CNTN1: variants seen among roughly 807,000 people sequenced by gnomAD.
CNTN1 encodes contactin-1.
CNTN1 carries 38 observed loss-of-function variants against 126.4 expected under a neutral mutation model. That is an observed-to-expected ratio of 0.30 (90% CI 0.23 to 0.39). The LOEUF (loss-of-function observed/expected upper bound fraction) is 0.39, where lower values mean the gene tolerates loss of function less well. Among genes scored for constraint, CNTN1 ranks in the 10% least tolerant of loss-of-function variants. The pLI, the probability that CNTN1 is intolerant of heterozygous loss-of-function variation, is 1.00. For synonymous variants in CNTN1, 413 were observed against 422.6 expected (o/e 0.98, Z 0.28); for missense variants, 1,009 against 1,248.4 (o/e 0.81, Z 2.89).
intron 1 of CNTN1, among the ~76,000 whole-genome samples, chr12:40,695,431 T>C (rs1437861450): frequency 2.0e-5 from 3 of 152,222 alleles, no homozygotes; most frequent in Non-Finnish European, 4.4e-5. Context: ...TATTCTCTTG[T>C]ATCTTGTGTC....
rs78864164 is a variant in CNTN1 at position 41,022,670 on chromosome 12, T to A, written c.2523+2230T>A. On this transcript the variant is annotated intron_variant, in intron 20 of 23. Transcript: ENST00000551295. ...AGACTGATAACACGTCTTGAGTTCT[T>A]ATTGTGCTAAACACTTAACTAAGCT... 7.1e-3 allele frequency among the ~76,000 whole-genome samples: 1,078 copies of A among 152,298 alleles called. 7 individuals carry two copies. The highest frequency in any genetic ancestry group is 0.037 in the Middle Eastern group (11 of 294).
chr12:40,799,992 CAATT>C (rs1363962994), intron 1 of CNTN1, among the ~76,000 whole-genome samples: 1 of 151,970 alleles, frequency 6.6e-6, no homozygotes, highest in Non-Finnish European at 1.5e-5. Flanking sequence ...ATGCTTTTAA[CAATT>C]AAATATACTC....
At chr12:40,922,015 CAA>C (rs35205079) in intron 4 of CNTN1, among the ~76,000 whole-genome samples, 1 of 151,670 alleles carries the variant, frequency 6.6e-6, no homozygotes, top group Non-Finnish European at 1.5e-5. Flanking sequence ...AGATACCTCA[CAA>C]AAAAAAGACA....
chr12:40,703,395 A>G (rs1047289738), intron 1 of CNTN1, among the ~76,000 whole-genome samples: 1 of 152,204 alleles, frequency 6.6e-6, no homozygotes, highest in African/African-American at 2.4e-5. Context: ...CGTTATTTTT[A>G]GTATTACAGC....
Position 40,918,762 on chromosome 12 carries a change from C to A in CNTN1, c.218C>A (p.Pro73Gln). The A allele has an allele frequency of 6.2e-7, 1 of 1,613,398 alleles. No individual in the cohort carries two copies. ...LNCRARASPF[P>Q]VYKWRMNNGD... ...TGTAGGGCACGAGCCAGCCCTTTCC[C>A]GGTTTACAAGTAATGTACCTCGCTT... Residue 73 changes from proline to glutamine, a missense_variant, in exon 4 of 24, where the codon CCG (proline) becomes CAG (glutamine). By Grantham distance (76) the Pro-to-Gln change is moderately conservative (BLOSUM62 -1). Coordinates refer to ENST00000551295, the MANE Select transcript of CNTN1 (RefSeq NM_001843.4).
At chr12:41,037,396 T>C (rs1949290083) in intron 23 of CNTN1, among the ~76,000 whole-genome samples, 1 of 152,110 alleles carries the variant, frequency 6.6e-6, no homozygotes. Flanking sequence ...TATATATATA[T>C]ACAAATACTT....
intron 1 of CNTN1, among the ~76,000 whole-genome samples, chr12:40,793,918 G>A (rs1940313442): frequency 6.6e-6 from 1 of 151,546 alleles, no homozygotes; most frequent in African/African-American, 2.4e-5. Flanking sequence ...AATTACTTTT[G>A]CACCAACCTA....
At chr12:40,751,777 C>G (rs1473258083) in intron 1 of CNTN1, among the ~76,000 whole-genome samples, 4 of 152,100 alleles carry the variant, frequency 2.6e-5, no homozygotes, top group Admixed American at 1.3e-4. Context: ...ATAGCTTCTT[C>G]TCTGCTAAGT....
At chr12:40,876,948 G>A (rs1015163234) in intron 1 of CNTN1, among the ~76,000 whole-genome samples, 1 of 151,868 alleles carries the variant, frequency 6.6e-6, no homozygotes, top group Non-Finnish European at 1.5e-5. Context: ...TAAATTTTGG[G>A]CTACTTGTCT....
At chr12:40,825,861 A>ATGATG (rs1555164859) in intron 1 of CNTN1, among the ~76,000 whole-genome samples, 15 of 151,386 alleles carry the variant, frequency 9.9e-5, no homozygotes, top group African/African-American at 3.4e-4. Flanking sequence ...GCTGATGATG[A>ATGATG]TGTGTGTATG....
chr12:40,714,292 T>C (rs1005855161), intron 1 of CNTN1, among the ~76,000 whole-genome samples: 1 of 152,084 alleles, frequency 6.6e-6, no homozygotes, highest in African/African-American at 2.4e-5. Flanking sequence ...AGTATGTGTG[T>C]TTCTGGAATC....
At chr12:40,714,790 C>G (rs1592002333) in intron 1 of CNTN1, among the ~76,000 whole-genome samples, 1 of 152,172 alleles carries the variant, frequency 6.6e-6, no homozygotes, top group South Asian at 2.1e-4. Context: ...CCGAGGGATT[C>G]TTACTGCCTC....
At chr12:41,040,482 A>C (rs1323468115) in intron 23 of CNTN1, among the ~76,000 whole-genome samples, 1 of 152,184 alleles carries the variant, frequency 6.6e-6, no homozygotes. Flanking sequence ...CTTCATAAAA[A>C]TGCAGAGAAA....
intron 1 of CNTN1, among the ~76,000 whole-genome samples, chr12:40,863,649 C>T (rs1943188676): frequency 1.3e-5 from 2 of 152,104 alleles, no homozygotes; most frequent in African/African-American, 4.8e-5. Flanking sequence ...CACCTGAGCT[C>T]CACCCCCTGT....
At chr12:40,937,341 G>A (rs1282944777) in intron 10 of CNTN1, among the ~76,000 whole-genome samples, 11 of 152,074 alleles carry the variant, frequency 7.2e-5, no homozygotes, top group Non-Finnish European at 1.5e-5. Context: ...GTCCAAGAGG[G>A]GAAAAGGTGG....
chr12:40,979,856 G>T (rs2120362930), intron 15 of CNTN1, among the ~76,000 whole-genome samples: 2 of 152,194 alleles, frequency 1.3e-5, no homozygotes, highest in East Asian at 3.9e-4. Context: ...TTGGTACTGA[G>T]TTATGAAGCA....
rs200416786 is a variant in CNTN1 at position 40,838,044 on chromosome 12, AC to A, written c.-76-70309del. 7.4e-3 allele frequency among the ~76,000 whole-genome samples: 1,124 copies of A among 152,188 alleles called. 18 individuals are homozygous for A. Among genetic ancestry groups the A allele is most frequent in the African/African-American group, 0.022 (932 of 41,508 alleles). On this transcript the variant is annotated intron_variant, in intron 1 of 23. Transcript: ENST00000551295. ...GCACCTGGCACCTGAGGATTACCCT[AC>A]CCCACCCACAATGGTTGGTGCTTGC...
At chr12:41,019,892 C>A (rs977746899) in intron 19 of CNTN1, among the ~76,000 whole-genome samples, 2 of 151,956 alleles carry the variant, frequency 1.3e-5, no homozygotes, top group African/African-American at 4.8e-5. Context: ...TCTATAATTC[C>A]AAATTTCCTA....
intron 1 of CNTN1, among the ~76,000 whole-genome samples, chr12:40,742,788 G>C (rs189646554): frequency 6.6e-6 from 1 of 152,180 alleles, no homozygotes; most frequent in Admixed American, 6.6e-5. Flanking sequence ...ATGGTGCTAT[G>C]ATAATTTTCC....
Sources: allele counts gnomAD v4.1 joint callset (sites outside exome capture counted in the v4.1 genomes callset), GRCh38; gene constraint gnomAD v4.1.1; transcripts MANE v1.5; gene names NCBI Gene and HGNC (gene_info 2026-07-23, HGNC 2026-07-21).